The following HAVCR2 variants were observed in gnomAD, a reference collection of about 807,000 sequenced individuals.
The protein encoded by HAVCR2 is hepatitis A virus cellular receptor 2.
A neutral mutation model predicts 24.7 loss-of-function variants in HAVCR2; 13 were observed. The observed-to-expected ratio is 0.53, with a 90% CI of 0.34 to 0.84. The LOEUF (loss-of-function observed/expected upper bound fraction) is 0.84. Among genes scored for constraint, HAVCR2 ranks in the 40% least tolerant of loss-of-function variants. The pLI is 0.01. For synonymous variants in HAVCR2, 154 were observed against 143.4 expected (o/e 1.07, Z -0.53); for missense variants, 343 against 371.2 (o/e 0.92, Z 0.62).
Position 157,087,300 on chromosome 5 carries a change from G to A in HAVCR2, c.714-6C>T. 6.2e-7 allele frequency: 1 copy of A among 1,600,584 alleles called. No individual in the cohort carries two copies. Among genetic ancestry groups the A allele is most frequent in the Non-Finnish European group, 8.5e-7 (1 of 1,175,248 alleles). The stretch of plus-strand genomic sequence containing the variant: ...GGTTGGCCAAAGAGATGAGGCTGTG[G>A]AAATAAAGTGTTGCGGTTGAGTTAA... On this transcript the variant is annotated splice_region_variant and splice_polypyrimidine_tract_variant and intron_variant, in intron 6 of 6. Coordinates refer to ENST00000307851, the MANE Select transcript of HAVCR2 (RefSeq NM_032782.5).
At chr5:157,092,595 T>G (rs983783698) in intron 5 of HAVCR2, among the ~76,000 whole-genome samples, 1 of 151,912 alleles carries the variant, frequency 6.6e-6, no homozygotes, top group East Asian at 1.9e-4. Context: ...TATAGGCATG[T>G]GCCCCCATGC....
intron 5 of HAVCR2, among the ~76,000 whole-genome samples, chr5:157,094,655 T>C (rs186320941): frequency 0.022 from 3,399 of 151,706 alleles, 49 homozygotes; most frequent in Non-Finnish European, 0.034. Context: ...AGTGCTGGGA[T>C]TACAGGCGTG....
chr5:157,104,683 G>A lies in HAVCR2; in HGVS notation c.461C>T (p.Thr154Ile). The A allele has an allele frequency of 6.2e-7, 1 of 1,603,434 alleles. No individual in the cohort carries two copies. Among genetic ancestry groups the A allele is most frequent in the Non-Finnish European group, 8.5e-7 (1 of 1,174,134 alleles). ...ATAGTTACCTGGGCCATGTCCCCTG[G>A]TGGTAAGCATCCTTGGAAAGGCTGC... is the stretch of plus-strand genomic sequence containing the variant. ...FTAAFPRMLT[T>I]RGHGPAETQT... Residue 154 changes from threonine (T) to isoleucine (I), a missense_variant, in exon 3 of 7, where the codon ACC becomes ATC. Physicochemically the swap from Thr to Ile is moderately conservative, Grantham distance 89. Transcript: ENST00000307851.
chr5:157,100,248 A>G lies in HAVCR2; in HGVS notation c.479-1347T>C, dbSNP rs193039235. ...GAAAATTAGGGAAGTGAAGTGACTA[A>G]CCCAAGGTCACATGACTTAGCAAAT... On this transcript the variant is annotated intron_variant, in intron 3 of 6. Transcript: ENST00000307851. Among the ~76,000 whole-genome samples the G allele has an allele frequency of 3.3e-5, 5 of 152,248 alleles. No homozygotes were observed. The East Asian group carries it at 9.6e-4, about 29-fold the overall frequency.
rs747172640 is a variant in HAVCR2, at chr5:157,106,807, C to T, written c.214G>A (p.Glu72Lys). ...GATGTCCAATAATTCACATCCCTTTCATCAGTCCTGAGCACCACGTTGCCA... is the reference window on the plus strand; with the variant it reads ...GATGTCCAATAATTCACATCCCTTTTATCAGTCCTGAGCACCACGTTGCCA... The part of the protein sequence containing the change: ...ECGNVVLRTD[E>K]RDVNYWTSRY... The change falls in exon 2 of 7, where the codon GAA becomes AAA. Residue 72 changes from glutamate (E) to lysine (K), a missense_variant. Coordinates refer to ENST00000307851, the MANE Select transcript of HAVCR2 (RefSeq NM_032782.5). 1.2e-5 allele frequency: 20 copies of T among 1,614,094 alleles called. No individual in the cohort carries two copies. The highest frequency in any genetic ancestry group is 1.6e-5 in the Non-Finnish European group (19 of 1,180,046).
chr5:157,091,183 G>A (rs1164384979), intron 5 of HAVCR2, among the ~76,000 whole-genome samples: 6 of 152,190 alleles, frequency 3.9e-5, no homozygotes, highest in African/African-American at 7.2e-5. Flanking sequence ...GGTGGCTCAC[G>A]CCTATAATCC....
At chr5:157,090,303 T>C (rs1050942107) in intron 5 of HAVCR2, among the ~76,000 whole-genome samples, 2 of 151,862 alleles carry the variant, frequency 1.3e-5, no homozygotes, top group Admixed American at 6.6e-5. Context: ...TAATTTTTTT[T>C]AATGTTTTTG....
At chr5:157,108,863 A>G in intron 1 of HAVCR2, 63 bp downstream of exon 1, 2 of 1,501,088 alleles carry the variant, frequency 1.3e-6, no homozygotes, top group African/African-American at 1.4e-5. Context: ...CCATCCTTGT[A>G]TCTCTCCCTT....
intron 3 of HAVCR2, among the ~76,000 whole-genome samples, chr5:157,104,288 A>C (rs1757214179): frequency 6.6e-6 from 1 of 152,178 alleles, no homozygotes; most frequent in Non-Finnish European, 1.5e-5. Context: ...AAATCACCTA[A>C]TCCAATGTGT....
In HAVCR2 at chr5:157,106,904, G is replaced by T. The variant is rs41283181; in HGVS notation, c.117C>A (p.Phe39Leu). 1.3e-4 allele frequency: 214 copies of T among 1,614,070 alleles called. No homozygotes were observed. The highest frequency in any genetic ancestry group is 1.7e-4 in the Non-Finnish European group (204 of 1,180,036). Residue 39 changes from phenylalanine to leucine, a missense_variant, in exon 2 of 7, where the codon TTC (phenylalanine) becomes TTA (leucine). Phe to Leu is a conservative substitution (Grantham distance 22). Coordinates refer to ENST00000307851, the MANE Select transcript of HAVCR2 (RefSeq NM_032782.5). ...GGTTCCCTGGGGCGGCTGGGGTGTA[G>T]AAGCAGGGCAGATAGGCATTCTGAC... ...EVGQNAYLPC[F>L]YTPAAPGNLV...
intron 5 of HAVCR2, among the ~76,000 whole-genome samples, chr5:157,090,122 CT>C (rs869177923): frequency 6.3e-3 from 416 of 65,570 alleles, no homozygotes; most frequent in African/African-American, 0.022. Context: ...CTTTTCTTTT[CT>C]TTTTTTTTTT....
rs746799823 is a variant in HAVCR2 at position 157,088,927 on chromosome 5, T to A, written c.713+14A>T. ...GATTCTCACCTTTTCCCAACCCCAT[T>A]CCATTATTCTTACCTTAAATTCTGT... On this transcript the variant is annotated intron_variant, in intron 6 of 6. Transcript: ENST00000307851. The A allele has an allele frequency of 1.2e-6, 2 of 1,606,724 alleles. No individual in the cohort carries two copies. Among genetic ancestry groups the A allele is most frequent in the Admixed American group, 3.4e-5 (2 of 59,380 alleles).
In HAVCR2 at chr5:157,106,820, C is replaced by T; in HGVS notation, c.201G>A (p.Val67=). The T allele has an allele frequency of 4.3e-6, 7 of 1,614,198 alleles. No individual in the cohort carries two copies. Among genetic ancestry groups the T allele is most frequent in the Non-Finnish European group, 5.9e-6 (7 of 1,180,040 alleles). The stretch of plus-strand genomic sequence containing the variant: ...TCACATCCCTTTCATCAGTCCTGAG[C>T]ACCACGTTGCCACATTCAAACACAG... ...ACPVFECGNV[V]LRTDERDVNY... Residue 67 remains valine, a synonymous_variant, in exon 2 of 7, where the codon GTG becomes GTA. Coordinates refer to ENST00000307851, the MANE Select transcript of HAVCR2 (RefSeq NM_032782.5).
intron 1 of HAVCR2, among the ~76,000 whole-genome samples, chr5:157,108,295 C>A (rs1203831199): frequency 6.6e-6 from 1 of 151,860 alleles, no homozygotes; most frequent in African/African-American, 2.4e-5. Context: ...CCAGCCTGAC[C>A]AACATGGTAA....
intron 5 of HAVCR2, among the ~76,000 whole-genome samples, chr5:157,090,683 A>G (rs999793810): frequency 1.3e-5 from 2 of 152,124 alleles, no homozygotes; most frequent in African/African-American, 4.8e-5. Flanking sequence ...GTGCTCAGAC[A>G]TTGATTTGGG....
intron 4 of HAVCR2, among the ~76,000 whole-genome samples, chr5:157,098,547 T>C (rs1333508470): frequency 1.3e-5 from 2 of 152,328 alleles, no homozygotes; most frequent in East Asian, 3.8e-4. Context: ...AGATGAAGAA[T>C]CTTTGAACCT....
rs570085786 is a variant in HAVCR2 at position 157,108,460 on chromosome 5, C to G, written c.58+466G>C. On this transcript the variant is annotated intron_variant, in intron 1 of 6. Coordinates refer to ENST00000307851, the MANE Select transcript of HAVCR2 (RefSeq NM_032782.5). ...AATGGTGCCACCACTGCACTCCAGC[C>G]TGGGCAATAGAGTGAGACTCCATCT... Among the ~76,000 whole-genome samples, 19 of 151,228 alleles carry G rather than the reference C, an allele frequency of 1.3e-4. No individual in the cohort carries two copies. The East Asian group carries it at 3.7e-3, about 29-fold the overall frequency.
intron 1 of HAVCR2, among the ~76,000 whole-genome samples, chr5:157,108,015 G>C (rs1757276395): frequency 6.6e-6 from 1 of 151,582 alleles, no homozygotes; most frequent in African/African-American, 2.4e-5. Context: ...TAAAATGATT[G>C]AGACTTGTCT....
chr5:157,108,191 G>A (rs969062066), intron 1 of HAVCR2, among the ~76,000 whole-genome samples: 1 of 151,976 alleles, frequency 6.6e-6, no homozygotes, highest in Non-Finnish European at 1.5e-5. Context: ...AAAGGTGTAT[G>A]AAAAAGTGGC....
Sources: allele counts gnomAD v4.1 joint callset (sites outside exome capture counted in the v4.1 genomes callset), GRCh38; gene constraint gnomAD v4.1.1; transcripts MANE v1.5; gene names NCBI Gene and HGNC (gene_info 2026-07-23, HGNC 2026-07-21).